SEMA3D: variants seen among roughly 807,000 people sequenced by gnomAD.
The protein encoded by SEMA3D is semaphorin 3D.
A neutral mutation model predicts 100.1 loss-of-function variants in SEMA3D; 84 were observed. The ratio of observed to expected loss-of-function variants is 0.84; its 90% CI spans 0.70 to 1.01. The LOEUF is 1.01. SEMA3D is among the 50% of genes least tolerant of loss of function. SEMA3D has a pLI of 0.00. For missense variants in SEMA3D, 875 were observed against 934.1 expected, an observed-to-expected ratio of 0.94 and a Z score of 0.82; for synonymous variants, 312 against 320.7, an observed-to-expected ratio of 0.97 and a Z score of 0.29.
rs187876092 is a variant in SEMA3D, at chr7:85,021,959, G to T, written c.1414+432C>A. Among the ~76,000 whole-genome samples, 1,346 of 151,870 alleles carry T rather than the reference G, an allele frequency of 8.9e-3. 9 individuals are homozygous for T. The highest frequency in any genetic ancestry group is 0.013 in the Non-Finnish European group (854 of 67,816). ...ATCTCCAAGAAGTTTCTATTTAAAG[G>T]TCTTTACAAAGTAATGTTTAATGTT... On this transcript the variant is annotated intron_variant, in intron 13 of 18. Coordinates refer to ENST00000284136, the MANE Select transcript of SEMA3D (RefSeq NM_001384900.1).
chr7:85,245,065 AG>A, the SEMA3D span, among the ~76,000 whole-genome samples: 4 of 152,092 alleles, frequency 2.6e-5, no homozygotes, highest in Non-Finnish European at 5.9e-5. Context: ...TTTCTTTTTG[AG>A]GGATGTAGCA....
intron 3 of SEMA3D, among the ~76,000 whole-genome samples, chr7:85,108,530 A>G (rs543111851): frequency 6.6e-6 from 1 of 152,174 alleles, no homozygotes; most frequent in East Asian, 1.9e-4. Context: ...TTTGTTTAGA[A>G]GTCACAGAGT....
At chr7:85,151,904 C>A (rs1414775336) in intron 2 of SEMA3D, 1 of 166,610 alleles carries the variant, frequency 6.0e-6, no homozygotes, top group Non-Finnish European at 1.2e-5. Context: ...TTGCAAAGAA[C>A]ATCTCTTACA....
rs532633114 is a variant in SEMA3D, at chr7:85,073,069, T to G, written c.388A>C (p.Asn130His). 6.2e-7 allele frequency: 1 copy of G among 1,612,564 alleles called. No homozygotes were observed. The highest frequency in any genetic ancestry group is 1.7e-5 in the Admixed American group (1 of 59,702). Residue 130 changes from asparagine (N) to histidine (H), a missense_variant, in exon 6 of 19, where the codon AAT (asparagine) becomes CAT (histidine). Transcript: ENST00000284136. Reference protein sequence around the residue: ...AGKDANTECANFIRVLQPYNK... With the variant: ...AGKDANTECAHFIRVLQPYNK... ...TAGGGCTGAAGTACTCTGATGAAAT[T>G]TGCACATTCTGTCTGTTGGGCACAA...
At chr7:85,164,262 A>G (rs1317896233) in intron 1 of SEMA3D, among the ~76,000 whole-genome samples, 1 of 152,134 alleles carries the variant, frequency 6.6e-6, no homozygotes, top group Non-Finnish European at 1.5e-5. Context: ...CTGTATAATG[A>G]TACCACCTAT....
At chr7:85,181,243 G>A (rs1461848730) in intron 1 of SEMA3D, among the ~76,000 whole-genome samples, 2 of 151,874 alleles carry the variant, frequency 1.3e-5, no homozygotes. Flanking sequence ...CACCTTTGGA[G>A]AAATGGCTCA....
rs1452769030 is a variant in SEMA3D, at chr7:84,996,739, A to G, written c.*2701T>C. 3 of 152,154 alleles carry G rather than the reference A, an allele frequency of 2.0e-5. No individual in the cohort carries two copies. The highest frequency in any genetic ancestry group is 4.8e-5 in the African/African-American group (2 of 41,462). The allele number at this position is 152,154 out of a possible 1,614,324, so 9.4% of individuals were successfully genotyped here. ...TTAGAGACAAGAAAAATACGAAAACATGAGTAAACAGGCATTTTAAGATCC... is the reference window on the plus strand; with the variant it reads ...TTAGAGACAAGAAAAATACGAAAACGTGAGTAAACAGGCATTTTAAGATCC... On this transcript the variant is annotated 3_prime_UTR_variant, in exon 19 of 19. Coordinates refer to ENST00000284136, the MANE Select transcript of SEMA3D (RefSeq NM_001384900.1).
At chr7:85,056,154 C>A (rs946953489) in intron 8 of SEMA3D, among the ~76,000 whole-genome samples, 1 of 151,942 alleles carries the variant, frequency 6.6e-6, no homozygotes, top group African/African-American at 2.4e-5. Flanking sequence ...ATTTTATATT[C>A]TCTTTCTATA....
At chr7:85,184,680 C>G (rs1791493160) in intron 1 of SEMA3D, among the ~76,000 whole-genome samples, 1 of 152,174 alleles carries the variant, frequency 6.6e-6, no homozygotes, top group Non-Finnish European at 1.5e-5. Context: ...GAAATTTTGG[C>G]AATTCGAATC....
rs148308975 is a variant in SEMA3D at position 85,102,401 on chromosome 7, C to A, written c.152-4436G>T. ...TTATTTTGGAATTCCCAGCACCTAG[C>A]TCAGAGTCTGAGACAAATTCAGTGC... On this transcript the variant is annotated intron_variant, in intron 3 of 18. Coordinates refer to ENST00000284136, the MANE Select transcript of SEMA3D (RefSeq NM_001384900.1). 4.4e-4 allele frequency among the ~76,000 whole-genome samples: 67 copies of A among 152,076 alleles called. No homozygotes were observed. In the East Asian group the frequency reaches 0.01, roughly 23 times the overall value.
At chr7:85,039,268 T>C (rs1790787081) in intron 11 of SEMA3D, among the ~76,000 whole-genome samples, 1 of 152,146 alleles carries the variant, frequency 6.6e-6, no homozygotes, top group South Asian at 2.1e-4. Flanking sequence ...CTAGTACAAC[T>C]TGTTTTGTTT....
chr7:85,134,559 T>C (rs527778739), intron 2 of SEMA3D, among the ~76,000 whole-genome samples: 1 of 152,090 alleles, frequency 6.6e-6, no homozygotes, highest in African/African-American at 2.4e-5. Flanking sequence ...ATTTGTACCT[T>C]CCAGAACAAG....
At chr7:85,050,745 A>G in intron 9 of SEMA3D, 1 of 524,422 alleles carries the variant, frequency 1.9e-6, no homozygotes, top group Admixed American at 3.6e-5. Flanking sequence ...CAAAGCACAA[A>G]TTCTCCTAAA....
chr7:85,140,314 A>C, intron 2 of SEMA3D: 1 of 982,704 alleles, frequency 1.0e-6, no homozygotes, highest in Middle Eastern at 5.2e-4. Flanking sequence ...TGACAGAGTG[A>C]AAATGCACGG....
the SEMA3D span, among the ~76,000 whole-genome samples, chr7:85,216,058 A>G: frequency 6.6e-6 from 1 of 152,102 alleles, no homozygotes; most frequent in Non-Finnish European, 1.5e-5. Flanking sequence ...ATATAATGGC[A>G]AACTATCACA....
chr7:85,044,794 A>G (rs1318817520), intron 9 of SEMA3D, among the ~76,000 whole-genome samples: 1 of 152,080 alleles, frequency 6.6e-6, no homozygotes, highest in Non-Finnish European at 1.5e-5. Context: ...GCATATTGTC[A>G]CTGACACTGT....
At chr7:85,223,087 C>T in the SEMA3D span, among the ~76,000 whole-genome samples, 11 of 151,812 alleles carry the variant, frequency 7.2e-5, no homozygotes, top group East Asian at 1.6e-3. Context: ...GTCAGAGAAA[C>T]GCAAATCAAA....
the SEMA3D span, among the ~76,000 whole-genome samples, chr7:85,250,005 G>A: frequency 2.0e-5 from 3 of 152,078 alleles, no homozygotes; most frequent in African/African-American, 7.2e-5. Context: ...AGGTCAGCGG[G>A]TGCACGCACC....
At chr7:85,093,474 C>T (rs1207177905) in intron 4 of SEMA3D, among the ~76,000 whole-genome samples, 1 of 151,950 alleles carries the variant, frequency 6.6e-6, no homozygotes, top group Non-Finnish European at 1.5e-5. Flanking sequence ...TAATGCCAAT[C>T]CCAAGAGTGG....
Sources: gnomAD v4.1 joint callset for allele counts (sites outside exome capture counted in the v4.1 genomes callset) on GRCh38, gnomAD v4.1.1 for gene constraint, MANE v1.5 for transcripts, NCBI Gene and HGNC (gene_info 2026-07-23, HGNC 2026-07-21) for gene names.